The following SUPT5H variants were observed in gnomAD, a reference collection of about 807,000 sequenced individuals.
The protein encoded by SUPT5H is SPT5 homolog, DSIF elongation factor subunit, also known as transcription elongation factor SPT5.
A neutral mutation model predicts 142.5 loss-of-function variants in SUPT5H; 24 were observed. The ratio of observed to expected loss-of-function variants is 0.17; its 90% CI spans 0.12 to 0.24. The LOEUF is 0.24. Ranked by LOEUF, SUPT5H falls within the 10% of genes least tolerant of loss-of-function variation. The probability of loss-of-function intolerance (pLI) is 1.00; values close to 1 mark genes in which losing one functional copy is unlikely to be tolerated. For synonymous variants in SUPT5H, 546 were observed against 553.0 expected (o/e 0.99, Z 0.18); for missense variants, 893 against 1,471.8 (o/e 0.61, Z 6.43).
rs74921826 is a variant in SUPT5H, at chr19:39,472,775, C to T, written c.2036-35C>T. The T allele has an allele frequency of 0.092, 146,404 of 1,595,050 alleles. 7,273 individuals carry two copies. The highest frequency in any genetic ancestry group is 0.12 in the African/African-American group (8,764 of 74,812). On this transcript the variant is annotated intron_variant, in intron 21 of 29. Transcript: ENST00000432763. This position sits in a 1 kb window ranked among gnomAD's most constrained non-coding sequence, Gnocchi z 4.2. The stretch of plus-strand genomic sequence containing the variant: ...ATGGTGCCCTTGCTGTGGGCACAGC[C>T]GTGGGGGACCAGTGACATTCTCCCC...
chr19:39,470,697 C>T lies in SUPT5H; in HGVS notation c.1677+174C>T, dbSNP rs749805347. On this transcript the variant is annotated intron_variant, in intron 18 of 29. Transcript: ENST00000432763. This position sits in a 1 kb window ranked among gnomAD's most constrained non-coding sequence, Gnocchi z 5.8. ...ACATGGCAAGTCATTGATCCCTCCC[C>T]TTGCCTGTTTTCACACCCTATAAAA... Among the ~76,000 whole-genome samples the T allele has an allele frequency of 4.6e-5, 7 of 152,164 alleles. No homozygotes were observed. Among genetic ancestry groups the T allele is most frequent in the Non-Finnish European group, 8.8e-5 (6 of 68,028 alleles).
At position 39,470,609 on chromosome 19, in the gene SUPT5H, C is replaced by T; in HGVS notation, c.1677+86C>T. On this transcript the variant is annotated intron_variant, in intron 18 of 29. Coordinates refer to ENST00000432763, the MANE Select transcript of SUPT5H (RefSeq NM_001111020.3). This position sits in a 1 kb window ranked among gnomAD's most constrained non-coding sequence, Gnocchi z 5.8. ...CCTCATCCTGGGAGGTGGCAGAGCC[C>T]CCAGACTGCTCTGGGTTGCAGATCT... 4.9e-6 allele frequency: 7 copies of T among 1,418,926 alleles called. No individual in the cohort carries two copies. Among genetic ancestry groups the T allele is most frequent in the Non-Finnish European group, 6.5e-6 (7 of 1,070,738 alleles). 87.9% of individuals were successfully genotyped at this position (1,418,926 alleles called of 1,614,324 possible).
In SUPT5H at chr19:39,474,753, TCCTCTCC is replaced by T; in HGVS notation, c.3024+36_3024+42del. The T allele has an allele frequency of 6.3e-7, 1 of 1,575,130 alleles. No individual in the cohort carries two copies. ...GCCCAGGGTGGTGGGTGAGCAGGCA[TCCTCTCC>T]TTGGTACCCCCTAAACTGGAGACAG... On this transcript the variant is annotated intron_variant, in intron 28 of 29. Coordinates refer to ENST00000432763, the MANE Select transcript of SUPT5H (RefSeq NM_001111020.3). This position sits in a 1 kb window ranked among gnomAD's most constrained non-coding sequence, Gnocchi z 6.5.
rs2079363438 is a variant in SUPT5H, at chr19:39,473,957, C to T, written c.2493-6C>T. 1.9e-6 allele frequency: 3 copies of T among 1,613,838 alleles called. No homozygotes were observed. The highest frequency in any genetic ancestry group is 4.5e-5 in the East Asian group (2 of 44,876). On this transcript the variant is annotated splice_polypyrimidine_tract_variant and splice_region_variant and intron_variant, in intron 25 of 29. Coordinates refer to ENST00000432763, the MANE Select transcript of SUPT5H (RefSeq NM_001111020.3). The surrounding 1 kb of genome is among the most constrained non-coding windows in gnomAD (Gnocchi z 5.8). Reference sequence around the variant, plus strand: ...AGTCGCTGTCAACAGACTTTTCTCCCAACAGGGCTGAGGAAGAATATGAGT... The same window carrying T: ...AGTCGCTGTCAACAGACTTTTCTCCTAACAGGGCTGAGGAAGAATATGAGT...
chr19:39,462,865 AGT>A, intron 10 of SUPT5H, among the ~76,000 whole-genome samples: 1 of 115,316 alleles, frequency 8.7e-6, no homozygotes, highest in Non-Finnish European at 1.8e-5. Flanking sequence ...TTTGAGACAG[AGT>A]CTCGCACCGT....
At position 39,473,625 on chromosome 19, in the gene SUPT5H, T is replaced by G; in HGVS notation, c.2492+104T>G. The G allele has an allele frequency of 7.7e-7, 1 of 1,296,636 alleles. No homozygotes were observed. The highest frequency in any genetic ancestry group is 1.1e-6 in the Non-Finnish European group (1 of 947,926). The allele number at this position is 1,296,636 out of a possible 1,614,324, so 80.3% of individuals were successfully genotyped here. Reference sequence around the variant, plus strand: ...GGTTTGTGGGGCCCACCCAGCATTCTCTGCTCCTAGCCTCAGGCTGGTCCC... The same window carrying G: ...GGTTTGTGGGGCCCACCCAGCATTCGCTGCTCCTAGCCTCAGGCTGGTCCC... On this transcript the variant is annotated intron_variant, in intron 25 of 29. Coordinates refer to ENST00000432763, the MANE Select transcript of SUPT5H (RefSeq NM_001111020.3). This position sits in a 1 kb window ranked among gnomAD's most constrained non-coding sequence, Gnocchi z 5.8.
At chr19:39,451,646 C>T (rs1040485547) in intron 2 of SUPT5H, among the ~76,000 whole-genome samples, 2 of 152,178 alleles carry the variant, frequency 1.3e-5, no homozygotes, top group Non-Finnish European at 2.9e-5. Flanking sequence ...ATTCTCCTAC[C>T]TCAGCCTCCT....
intron 2 of SUPT5H, 27 bp from the exon 3 acceptor site, chr19:39,453,329 T>G (rs370404715): frequency 3.2e-6 from 5 of 1,560,682 alleles, no homozygotes; most frequent in Non-Finnish European, 4.3e-6. Context: ...AGAATTCTGG[T>G]GCTACAACCC....
chr19:39,454,526 A>G (rs2079062607), intron 3 of SUPT5H, among the ~76,000 whole-genome samples: 1 of 151,842 alleles, frequency 6.6e-6, no homozygotes, highest in African/African-American at 2.4e-5. Flanking sequence ...TTATATTTTT[A>G]GTAGAGACAG....
At chr19:39,475,061 G>A (rs1360776671) in intron 28 of SUPT5H, 3 of 365,376 alleles carry the variant, frequency 8.2e-6, no homozygotes, top group African/African-American at 6.2e-5. Context: ...TCCAGGAGCT[G>A]AAGGGTTTGT....
intron 2 of SUPT5H, among the ~76,000 whole-genome samples, chr19:39,446,618 G>A (rs932837347): frequency 6.6e-6 from 1 of 152,172 alleles, no homozygotes; most frequent in East Asian, 1.9e-4. Context: ...GATTAACGAG[G>A]ATTTGAGAGG....
Position 39,476,237 on chromosome 19 carries a change from A to G in SUPT5H, c.3121-19A>G, listed in dbSNP as rs2079404077. On this transcript the variant is annotated intron_variant, in intron 29 of 29. Transcript: ENST00000432763. ...TTGGGTGCTGACATGGACCCTGACC[A>G]TATTCCCCCCACCCCCAGGTGAAAG... 6.2e-6 allele frequency: 10 copies of G among 1,614,074 alleles called. No individual in the cohort carries two copies. Among genetic ancestry groups the G allele is most frequent in the Non-Finnish European group, 8.5e-6 (10 of 1,180,000 alleles).
chr19:39,464,830 G>A lies in SUPT5H; in HGVS notation c.657G>A (p.Glu219=), dbSNP rs1374282880. 3.1e-6 allele frequency: 5 copies of A among 1,613,336 alleles called. No individual in the cohort carries two copies. The East Asian group carries it at 6.7e-5, about 22-fold the overall frequency. ...PLQIKSVVAP[E]HVKGYIYVEA... ...AGATCAAGTCAGTAGTGGCACCAGA[G>A]CATGTGAAGGGCTACATCTACGTGG... The change falls in exon 11 of 30, where the codon GAG becomes GAA. Residue 219 remains glutamate (E), a synonymous_variant. Transcript: ENST00000432763.
intron 10 of SUPT5H, among the ~76,000 whole-genome samples, chr19:39,463,632 A>G (rs940126703): frequency 2.0e-5 from 3 of 152,206 alleles, no homozygotes; most frequent in African/African-American, 7.2e-5. Flanking sequence ...TGGAAAGTGA[A>G]GACGAAATGT....
At chr19:39,461,477 C>T (rs1051596381) in intron 10 of SUPT5H, among the ~76,000 whole-genome samples, 4 of 151,844 alleles carry the variant, frequency 2.6e-5, no homozygotes, top group African/African-American at 4.8e-5. Flanking sequence ...AAAAGGAGTT[C>T]GAGGCCAGCC....
rs377604832 is a variant in SUPT5H at position 39,465,060 on chromosome 19, C to T, written c.876+11C>T. ...GATGACATTGCTCAGGTGCCCGGGGCGGGGTGGCATGGGGGTCAGGGTCCC... is the reference window on the plus strand; with the variant it reads ...GATGACATTGCTCAGGTGCCCGGGGTGGGGTGGCATGGGGGTCAGGGTCCC... On this transcript the variant is annotated intron_variant, in intron 11 of 29. Transcript: ENST00000432763. The T allele has an allele frequency of 5.3e-5, 85 of 1,606,958 alleles. No individual in the cohort carries two copies. Among genetic ancestry groups the T allele is most frequent in the African/African-American group, 8.0e-5 (6 of 74,846 alleles).
At chr19:39,447,396 A>G (rs1162129730) in intron 2 of SUPT5H, among the ~76,000 whole-genome samples, 5 of 151,846 alleles carry the variant, frequency 3.3e-5, no homozygotes, top group African/African-American at 1.2e-4. Flanking sequence ...GAACCAAAAA[A>G]CCAACATTTC....
In SUPT5H at chr19:39,474,031, C is replaced by T; in HGVS notation, c.2561C>T (p.Thr854Ile). The change falls in exon 26 of 30, where the codon ACC becomes ATC. Residue 854 changes from threonine (T) to isoleucine (I), a missense_variant. Physicochemically the swap from Thr to Ile is moderately conservative, Grantham distance 89. This residue lies in a region of SUPT5H where 336 missense variants were observed against 546.5 expected (regional missense o/e 0.61). Transcript: ENST00000432763. This position sits in a 1 kb window ranked among gnomAD's most constrained non-coding sequence, Gnocchi z 6.5. ...PTPSPQAYGG[T>I]PNPQTPGYPD... ...CCGTCCCCGCAGGCCTATGGGGGAA[C>T]CCCCAATCCCCAAACACCTGGCTAC... is the stretch of plus-strand genomic sequence containing the variant. 2 of 1,613,024 alleles carry T rather than the reference C, an allele frequency of 1.2e-6. No homozygotes were observed. The highest frequency in any genetic ancestry group is 1.7e-6 in the Non-Finnish European group (2 of 1,179,420).
intron 2 of SUPT5H, 122 bp downstream of exon 2, chr19:39,446,087 T>C: frequency 9.2e-7 from 1 of 1,082,154 alleles, no homozygotes; most frequent in Non-Finnish European, 1.3e-6. Context: ...TCCCAGATTG[T>C]CTCAAGAGAT....
Sources: allele counts gnomAD v4.1 joint callset (sites outside exome capture counted in the v4.1 genomes callset), GRCh38; gene constraint gnomAD v4.1.1; regional missense constraint gnomAD v4.1.1; non-coding constraint Gnocchi (gnomAD v3.1); transcripts MANE v1.5; gene names NCBI Gene and HGNC (gene_info 2026-07-23, HGNC 2026-07-21).